The following DBF4 variants were observed in gnomAD, a reference collection of about 807,000 sequenced individuals.
The protein encoded by DBF4 is protein DBF4 homolog A.
In DBF4, 25 loss-of-function variants were observed where a neutral mutation model predicts 76.6. The ratio of observed to expected loss-of-function variants is 0.33; its 90% CI spans 0.24 to 0.46. DBF4 has a LOEUF of 0.46. Ranked by LOEUF, DBF4 falls within the 20% of genes least tolerant of loss-of-function variation. DBF4 has a pLI of 1.00. For missense variants in DBF4, 638 were observed against 760.8 expected (o/e 0.84, Z 1.90); for synonymous variants, 213 against 258.0 (o/e 0.83, Z 1.67).
intron 4 of DBF4, 119 bp downstream of exon 4, chr7:87,887,013 C>G: frequency 1.4e-6 from 1 of 695,278 alleles, no homozygotes; most frequent in Non-Finnish European, 2.4e-6. Context: ...TGAATCTCAG[C>G]ATATATTTTA....
intron 4 of DBF4, 51 bp downstream of exon 4, chr7:87,886,945 C>A: frequency 8.2e-7 from 1 of 1,219,478 alleles, no homozygotes; most frequent in South Asian, 1.4e-5. Flanking sequence ...ATTAAAAACT[C>A]AACTGGAAAT....
At chr7:87,905,321 G>C (rs1839891410) in intron 11 of DBF4, among the ~76,000 whole-genome samples, 2 of 152,178 alleles carry the variant, frequency 1.3e-5, no homozygotes, top group Non-Finnish European at 2.9e-5. Flanking sequence ...TTGCCCACAG[G>C]CTATATAGTG....
At chr7:87,903,048 T>C (rs1265024331) in intron 10 of DBF4, among the ~76,000 whole-genome samples, 1 of 152,200 alleles carries the variant, frequency 6.6e-6, no homozygotes, top group Non-Finnish European at 1.5e-5. Context: ...TGTTGTGAAC[T>C]TGTTTACTTT....
rs777766243 is a variant in DBF4, at chr7:87,907,344, C to T, written c.1206C>T (p.Thr402=). Residue 402 remains threonine, a synonymous_variant, in exon 12 of 12, where the codon ACC becomes ACT. Transcript: ENST00000265728. ...AGCAGAATTTCCTGTATAAAGAGACCCAGGAAACTGAAAAAAAGCTCCTGT... is the reference window on the plus strand; with the variant it reads ...AGCAGAATTTCCTGTATAAAGAGACTCAGGAAACTGAAAAAAAGCTCCTGT... ...VKEQNFLYKE[T]QETEKKLLFI... is the part of the protein sequence containing the mutation. 14 of 1,613,832 alleles carry T rather than the reference C, an allele frequency of 8.7e-6. No homozygotes were observed. The highest frequency in any genetic ancestry group is 1.7e-4 in the Middle Eastern group (1 of 6,060).
chr7:87,906,354 G>A (rs1385370534), intron 11 of DBF4, among the ~76,000 whole-genome samples: 3 of 124,070 alleles, frequency 2.4e-5, no homozygotes, highest in Admixed American at 1.6e-4. Context: ...TTTTTTTATT[G>A]CCCATTTGTT....
intron 6 of DBF4, among the ~76,000 whole-genome samples, chr7:87,889,511 C>T (rs1020012262): frequency 2.6e-5 from 4 of 152,206 alleles, no homozygotes; most frequent in African/African-American, 9.6e-5. Context: ...AACTCCTGAG[C>T]TCAAGCTATC....
chr7:87,884,219 A>G (rs1839287756), intron 2 of DBF4, among the ~76,000 whole-genome samples: 1 of 152,194 alleles, frequency 6.6e-6, no homozygotes, highest in Non-Finnish European at 1.5e-5. Context: ...AAGTCTTTAA[A>G]ATCAAATTTA....
intron 6 of DBF4, among the ~76,000 whole-genome samples, chr7:87,892,182 C>T (rs891281216): frequency 1.3e-5 from 2 of 152,182 alleles, no homozygotes; most frequent in Admixed American, 1.3e-4. Context: ...ATGATTATGA[C>T]GTGTGTCCAT....
intron 11 of DBF4, among the ~76,000 whole-genome samples, 172 bp from the exon 12 acceptor site, chr7:87,907,004 ACTTTAAAAACAG>A (rs1839927684): frequency 3.9e-5 from 6 of 152,198 alleles, no homozygotes. Context: ...AAGTTGTATT[ACTTTAAAAACAG>A]CTCAAGTAAA....
chr7:87,888,645 CCCTA>C (rs1421521697), intron 6 of DBF4, among the ~76,000 whole-genome samples: 1 of 152,186 alleles, frequency 6.6e-6, no homozygotes, highest in Admixed American at 6.5e-5. Context: ...GATCCCACAT[CCCTA>C]CCTACCTATT....
intron 8 of DBF4, 91 bp from the exon 9 acceptor site, chr7:87,900,130 A>G (rs1432175111): frequency 9.2e-7 from 1 of 1,085,790 alleles, no homozygotes; most frequent in Non-Finnish European, 1.3e-6. Context: ...TTCAGATTCC[A>G]GCTTAATTAT....
At position 87,907,274 on chromosome 7, in the gene DBF4, A is replaced by G. The variant is rs774070238; in HGVS notation, c.1136A>G (p.His379Arg). ...CAAAAGGAAAAAGTGGAATTGCAAC[A>G]TATTTCTCAGAAAGATTGCCAGGAA... ...TEQKEKVELQ[H>R]ISQKDCQEDD... Residue 379 changes from histidine (H) to arginine (R), a missense_variant, in exon 12 of 12, where the codon CAT becomes CGT. By Grantham distance (29) the His-to-Arg change is conservative. Transcript: ENST00000265728. 6.2e-7 allele frequency: 1 copy of G among 1,613,888 alleles called. No homozygotes were observed. Among genetic ancestry groups the G allele is most frequent in the African/African-American group, 1.3e-5 (1 of 74,942 alleles).
At chr7:87,879,016 C>T (rs929185774) in intron 2 of DBF4, among the ~76,000 whole-genome samples, 2 of 152,140 alleles carry the variant, frequency 1.3e-5, no homozygotes, top group African/African-American at 2.4e-5. Flanking sequence ...GATCTCAGCT[C>T]ACTGCAACCT....
At chr7:87,889,842 G>A (rs1235070240) in intron 6 of DBF4, among the ~76,000 whole-genome samples, 1 of 152,150 alleles carries the variant, frequency 6.6e-6, no homozygotes, top group African/African-American at 2.4e-5. Flanking sequence ...TGAGAACTTT[G>A]GATGAGGAAT....
intron 6 of DBF4, among the ~76,000 whole-genome samples, chr7:87,888,713 TC>T (rs952918043): frequency 1.7e-4 from 26 of 152,328 alleles, no homozygotes; most frequent in Admixed American, 1.1e-3. Context: ...CTTTTATACT[TC>T]CCATTCACTT....
chr7:87,900,995 A>T, intron 10 of DBF4, 117 bp downstream of exon 10: 2 of 823,002 alleles, frequency 2.4e-6, no homozygotes, highest in South Asian at 3.4e-5. Context: ...AAGGGAGGAA[A>T]TGAGTATTGA....
chr7:87,879,028 C>A (rs1215671813), intron 2 of DBF4, among the ~76,000 whole-genome samples: 1 of 152,162 alleles, frequency 6.6e-6, no homozygotes, highest in Non-Finnish European at 1.5e-5. Flanking sequence ...CTGCAACCTC[C>A]TCCTCTCAGG....
intron 3 of DBF4, among the ~76,000 whole-genome samples, chr7:87,886,221 C>A (rs1029771530): frequency 1.3e-5 from 2 of 152,052 alleles, no homozygotes; most frequent in Non-Finnish European, 2.9e-5. Flanking sequence ...AACGAGTTTT[C>A]CTAGTACTTT....
rs1423056518 is a variant in DBF4 at position 87,896,427 on chromosome 7, T to C, written c.598-47T>C. 2.6e-6 allele frequency: 4 copies of C among 1,534,178 alleles called. No individual in the cohort carries two copies. The East Asian group carries it at 9.0e-5, about 35-fold the overall frequency. ...TACTGAGCAATTGCAGTTGCTGTTT[T>C]AACTGTACTTTCAAAGCCAATCTTT... On this transcript the variant is annotated intron_variant, in intron 6 of 11. Transcript: ENST00000265728.
Sources: gnomAD v4.1 joint callset for allele counts (sites outside exome capture counted in the v4.1 genomes callset) on GRCh38, gnomAD v4.1.1 for gene constraint, MANE v1.5 for transcripts, NCBI Gene and HGNC (gene_info 2026-07-23, HGNC 2026-07-21) for gene names.